The following ASB10 variants were observed in gnomAD, a reference collection of about 807,000 sequenced individuals.
ASB10 encodes the protein ankyrin repeat and SOCS box protein 10.
ASB10 carries 44 observed loss-of-function variants against 35.4 expected under a neutral mutation model. That is an observed-to-expected ratio of 1.24 (90% CI 0.98 to 1.60). The LOEUF (loss-of-function observed/expected upper bound fraction) is 1.60, where lower values mean the gene tolerates loss of function less well. Among genes scored for constraint, ASB10 ranks in the 40% most tolerant of loss-of-function variants. ASB10 has a pLI of 0.00. For synonymous variants in ASB10, 294 were observed against 280.4 expected, an observed-to-expected ratio of 1.05 and a Z score of -0.49; for missense variants, 647 against 634.3, an observed-to-expected ratio of 1.02 and a Z score of -0.22.
chr7:151,176,615 A>G lies in ASB10; in HGVS notation c.1166T>C (p.Val389Ala). 1.3e-6 allele frequency: 2 copies of G among 1,551,332 alleles called. No homozygotes were observed. Among genetic ancestry groups the G allele is most frequent in the Non-Finnish European group, 1.7e-6 (2 of 1,146,864 alleles). The change falls in exon 4 of 6, where the codon GTT becomes GCT. Residue 389 changes from valine (V) to alanine (A), a missense_variant. By Grantham distance (64) the Val-to-Ala change is moderately conservative. Coordinates refer to ENST00000420175, the MANE Select transcript of ASB10 (RefSeq NM_001142459.2). ...TIEVLMNTYS[V>A]VQLPEEAVGL... is the part of the protein sequence containing the mutation. The stretch of plus-strand genomic sequence containing the variant: ...GACGGCCTCCTCGGGAAGCTGCACA[A>G]CACTGTAGGTGTTCATCAGGACCTC...
intron 2 of ASB10, among the ~76,000 whole-genome samples, chr7:151,183,678 G>A (rs1048151751): frequency 2.6e-5 from 4 of 152,096 alleles, no homozygotes; most frequent in African/African-American, 9.7e-5. Flanking sequence ...CTCCACCTCC[G>A]GGGTTGAAGG....
chr7:151,186,827 T>A lies in ASB10; in HGVS notation c.304A>T (p.Ile102Phe). The change falls in exon 1 of 6, where the codon ATC (isoleucine) becomes TTC (phenylalanine). Residue 102 changes from isoleucine to phenylalanine, a missense_variant. Physicochemically the swap from Ile to Phe is conservative, Grantham distance 21. Coordinates refer to ENST00000420175, the MANE Select transcript of ASB10 (RefSeq NM_001142459.2). ...PERWRDFRFN[I>F]RALRLWSLTY... ...CCCCGGCCCGTACTCAGAGCACGGA[T>A]GTTGAAGCGGAAATCCCTCCATCGC... The A allele has an allele frequency of 6.3e-7, 1 of 1,598,636 alleles. No homozygotes were observed. Among genetic ancestry groups the A allele is most frequent in the Non-Finnish European group, 8.5e-7 (1 of 1,169,708 alleles).
chr7:151,185,321 G>A (rs1197454956), intron 2 of ASB10, among the ~76,000 whole-genome samples: 1 of 151,888 alleles, frequency 6.6e-6, no homozygotes, highest in Non-Finnish European at 1.5e-5. Context: ...GTTTGGGCAT[G>A]TTGGCCAGGC....
At chr7:151,187,739 GCCAAAGCAGCA>G (rs1281664131), upstream of ASB10, 16 of 1,457,514 alleles carry the variant, frequency 1.1e-5, no homozygotes, top group South Asian at 2.3e-4. This position sits in a 1 kb window ranked among gnomAD's most constrained non-coding sequence, Gnocchi z 5.3. Context: ...TTCTGGGAGA[GCCAAAGCAGCA>G]CGACTCCCAG....
chr7:151,181,865 C>A (rs553743609), intron 2 of ASB10, among the ~76,000 whole-genome samples: 4 of 152,134 alleles, frequency 2.6e-5, no homozygotes, highest in African/African-American at 9.7e-5. Flanking sequence ...CCACCTGCCT[C>A]GGCCTCCCAA....
chr7:151,176,265 G>A lies in ASB10; in HGVS notation c.1251C>T (p.Ala417=), dbSNP rs1801385649. The change falls in exon 5 of 6, where the codon GCC becomes GCT. Residue 417 remains alanine, a synonymous_variant. Coordinates refer to ENST00000420175, the MANE Select transcript of ASB10 (RefSeq NM_001142459.2). ...GCAGCGACCTGGGCTGCCTCACCAA[G>A]GCGAAGAGGGAGGAGTAGAAACGCT... ...KHQRFYSSLF[A]LVRQPRSLQH... 6.4e-7 allele frequency: 1 copy of A among 1,571,734 alleles called. No individual in the cohort carries two copies. Among genetic ancestry groups the A allele is most frequent in the Non-Finnish European group, 8.6e-7 (1 of 1,160,100 alleles).
chr7:151,186,390 A>T lies in ASB10; in HGVS notation c.584+2T>A. The T allele has an allele frequency of 6.3e-7, 1 of 1,581,516 alleles. No individual in the cohort carries two copies. The highest frequency in any genetic ancestry group is 8.6e-7 in the Non-Finnish European group (1 of 1,164,206). On this transcript the variant is annotated splice_donor_variant, in intron 2 of 5. Transcript: ENST00000420175. LOFTEE classifies it high-confidence loss of function. ...TGGGGGTTGGGGTGAGGGGTCACTC[A>T]CTCAAGGGTGCCAGGCCCCCGGCAG... is the stretch of plus-strand genomic sequence containing the variant.
intron 2 of ASB10, among the ~76,000 whole-genome samples, chr7:151,183,207 T>C (rs1348420055): frequency 6.6e-6 from 1 of 152,136 alleles, no homozygotes; most frequent in African/African-American, 2.4e-5. Flanking sequence ...GCCCAGGAGT[T>C]CAAGACTATC....
chr7:151,184,866 C>T (rs1330394709), intron 2 of ASB10, among the ~76,000 whole-genome samples: 2 of 151,538 alleles, frequency 1.3e-5, no homozygotes, highest in African/African-American at 4.8e-5. Flanking sequence ...ACTAAAAATA[C>T]AAAAAATTAG....
At position 151,186,490 on chromosome 7, in the gene ASB10, G is replaced by A. The variant is rs545754784; in HGVS notation, c.486C>T (p.Ala162=). The change falls in exon 2 of 6, where the codon GCC becomes GCT. Residue 162 remains alanine (A), a synonymous_variant. Transcript: ENST00000420175. ...CTGCCACCAGCAGCACATGAACACA[G>A]GCAGTGTGGCCTGCAGCACAGGCCT... ...LHEACAAGHT[A]CVHVLLVAGA... The A allele has an allele frequency of 3.7e-6, 6 of 1,600,776 alleles. No homozygotes were observed. The South Asian group carries it at 6.7e-5, about 18-fold the overall frequency.
upstream of ASB10, chr7:151,187,414 A>G: frequency 6.4e-7 from 1 of 1,550,692 alleles, no homozygotes; most frequent in Non-Finnish European, 8.7e-7. This position sits in a 1 kb window ranked among gnomAD's most constrained non-coding sequence, Gnocchi z 5.3. Flanking sequence ...CAGTCAGCCC[A>G]GCCCCCTGGT....
chr7:151,186,895 G>A lies in ASB10; in HGVS notation c.236C>T (p.Thr79Ile). Residue 79 changes from threonine (T) to isoleucine (I), a missense_variant, in exon 1 of 6, where the codon ACT (threonine) becomes ATT (isoleucine). By Grantham distance (89) the Thr-to-Ile change is moderately conservative. Coordinates refer to ENST00000420175, the MANE Select transcript of ASB10 (RefSeq NM_001142459.2). The part of the protein sequence containing the change: ...CVSRILADSS[T>I]GLAPDSVFDT... ...AAAGACGGAATCAGGAGCCAGGCCAGTACTGGAGTCCGCGAGGATGCGGGA... is the reference window on the plus strand; with the variant it reads ...AAAGACGGAATCAGGAGCCAGGCCAATACTGGAGTCCGCGAGGATGCGGGA... The A allele has an allele frequency of 6.2e-7, 1 of 1,614,060 alleles. No homozygotes were observed. Among genetic ancestry groups the A allele is most frequent in the African/African-American group, 1.3e-5 (1 of 75,074 alleles).
chr7:151,185,660 A>G (rs1263770443), intron 2 of ASB10, among the ~76,000 whole-genome samples: 1 of 152,234 alleles, frequency 6.6e-6, no homozygotes, highest in Admixed American at 6.5e-5. Flanking sequence ...GTGTGCAGTC[A>G]GTAGAGAGAG....
chr7:151,182,007 T>C (rs1254109793), intron 2 of ASB10, among the ~76,000 whole-genome samples: 5 of 152,032 alleles, frequency 3.3e-5, no homozygotes, highest in African/African-American at 1.2e-4. Flanking sequence ...ATCACATGAG[T>C]GGTTAGAACA....
chr7:151,178,584 C>T (rs1304956600), intron 3 of ASB10, among the ~76,000 whole-genome samples: 1 of 152,240 alleles, frequency 6.6e-6, no homozygotes, highest in African/African-American at 2.4e-5. Context: ...CAGCATCTCA[C>T]ACACAACCCA....
upstream of ASB10, chr7:151,187,668 G>A (rs104886462): frequency 9.2e-4 from 1,392 of 1,513,512 alleles, 3 homozygotes; most frequent in Middle Eastern, 1.7e-3. This position sits in a 1 kb window ranked among gnomAD's most constrained non-coding sequence, Gnocchi z 5.3. Context: ...GGGGCGGAGG[G>A]AAGGCACCCC....
upstream of ASB10, chr7:151,187,581 T>C (rs1801626831): frequency 6.4e-7 from 1 of 1,550,834 alleles, no homozygotes; most frequent in Non-Finnish European, 8.7e-7. This position sits in a 1 kb window ranked among gnomAD's most constrained non-coding sequence, Gnocchi z 5.3. Context: ...TGCAGGGCCA[T>C]GTCTTGGCAG....
At chr7:151,182,578 A>G (rs73478648) in intron 2 of ASB10, among the ~76,000 whole-genome samples, 6,425 of 152,242 alleles carry the variant, frequency 0.042, 224 homozygotes, top group African/African-American at 0.083. Context: ...ACTCCTTCTC[A>G]AAATAGAAAA....
intron 1 of ASB10, 38 bp downstream of exon 1, chr7:151,186,777 T>C (rs1801603796): frequency 1.3e-6 from 2 of 1,542,466 alleles, no homozygotes; most frequent in African/African-American, 2.7e-5. Flanking sequence ...CAGCCTCCCC[T>C]CTCTCCCACT....
Sources: allele counts gnomAD v4.1 joint callset (sites outside exome capture counted in the v4.1 genomes callset), GRCh38; gene constraint gnomAD v4.1.1; non-coding constraint Gnocchi (gnomAD v3.1); transcripts MANE v1.5; gene names NCBI Gene and HGNC (gene_info 2026-07-23, HGNC 2026-07-21).